The following PCDHA12 variants were observed in gnomAD, a reference collection of about 807,000 sequenced individuals.
The protein encoded by PCDHA12 is protocadherin alpha-12.
In PCDHA12, 44 loss-of-function variants were observed where a neutral mutation model predicts 60.0. The observed-to-expected ratio is 0.73, with a 90% CI of 0.58 to 0.94. The LOEUF (loss-of-function observed/expected upper bound fraction) is 0.94. Among genes scored for constraint, PCDHA12 ranks in the 40% least tolerant of loss-of-function variants. The pLI, the probability that PCDHA12 is intolerant of heterozygous loss-of-function variation, is 0.00. For missense variants in PCDHA12, 1,276 were observed against 1,239.7 expected (o/e 1.03, Z -0.44); for synonymous variants, 569 against 553.0 (o/e 1.03, Z -0.40).
intron 1 of PCDHA12, among the ~76,000 whole-genome samples, chr5:140,915,915 T>C (rs782614078): frequency 1.3e-5 from 2 of 152,158 alleles, no homozygotes; most frequent in Non-Finnish European, 2.9e-5. Context: ...GGCCCAGAGA[T>C]GCTACTTGGG....
intron 1 of PCDHA12, among the ~76,000 whole-genome samples, chr5:140,899,097 T>A (rs1160754058): frequency 2.0e-5 from 3 of 151,826 alleles, no homozygotes; most frequent in Non-Finnish European, 4.4e-5. Flanking sequence ...TGGGCTGAGA[T>A]AATGGGGTTT....
chr5:140,883,995 C>A (rs1371206040), intron 1 of PCDHA12: 2 of 1,612,878 alleles, frequency 1.2e-6, no homozygotes, highest in Non-Finnish European at 8.5e-7. Flanking sequence ...GCGGGAGGCA[C>A]AGTGAGCGAG....
rs143182337 is a variant in PCDHA12 at position 140,938,958 on chromosome 5, G to A, written c.2368-39991G>A. On this transcript the variant is annotated intron_variant, in intron 1 of 3. Coordinates refer to ENST00000398631, the MANE Select transcript of PCDHA12 (RefSeq NM_018903.4). ...TTTCCATTCTTATAATGCTCTAGTC[G>A]GAGTTTGGCATCAAGGCTATCCTGG... 3.2e-3 allele frequency among the ~76,000 whole-genome samples: 486 copies of A among 152,204 alleles called. 2 individuals carry two copies. Among genetic ancestry groups the A allele is most frequent in the Middle Eastern group, 0.014 (4 of 294 alleles).
rs560247030 is a variant in PCDHA12, at chr5:140,910,414, C to T, written c.2367+32575C>T. On this transcript the variant is annotated intron_variant, in intron 1 of 3. Transcript: ENST00000398631. ...GACTGGCCCCTGCCACCTCGAGATC[C>T]AATTATTCCCATTGCATTTAAGTTT... Among the ~76,000 whole-genome samples the T allele has an allele frequency of 2.6e-5, 4 of 152,258 alleles. No individual in the cohort carries two copies. In the East Asian group the frequency reaches 5.8e-4, roughly 22 times the overall value.
intron 1 of PCDHA12, chr5:140,927,766 G>A: frequency 1.2e-6 from 2 of 1,614,234 alleles, no homozygotes; most frequent in Non-Finnish European, 1.7e-6. Context: ...TAAAAGTGGG[G>A]AGGTGCAAGT....
At position 140,920,535 on chromosome 5, in the gene PCDHA12, T is replaced by C. The variant is rs75447697; in HGVS notation, c.2367+42696T>C. ...TATGCAATTCGTTAGACTCAGGTTT[T>C]CTATTTCACCTTCGAAGTGTGGCCC... is the stretch of plus-strand genomic sequence containing the variant. On this transcript the variant is annotated intron_variant, in intron 1 of 3. Transcript: ENST00000398631. Among the ~76,000 whole-genome samples the C allele has an allele frequency of 1.3e-3, 198 of 152,336 alleles. 1 individual carries two copies. Among genetic ancestry groups the C allele is most frequent in the African/African-American group, 4.5e-3 (189 of 41,590 alleles).
intron 1 of PCDHA12, among the ~76,000 whole-genome samples, chr5:140,905,599 G>A (rs782355615): frequency 2.0e-5 from 3 of 152,096 alleles, no homozygotes; most frequent in Non-Finnish European, 2.9e-5. Context: ...GCTGGGAATT[G>A]CATTGAATCT....
intron 1 of PCDHA12, among the ~76,000 whole-genome samples, chr5:140,934,050 C>T (rs558726288): frequency 6.6e-6 from 1 of 151,952 alleles, no homozygotes; most frequent in East Asian, 1.9e-4. Flanking sequence ...TTAGTCTTTC[C>T]AAGGCTAACT....
chr5:140,883,481 T>C (rs1401240290), intron 1 of PCDHA12: 1 of 1,614,166 alleles, frequency 6.2e-7, no homozygotes, highest in East Asian at 2.2e-5. Flanking sequence ...CAAGAACTAC[T>C]ACTCATTAGT....
In PCDHA12 at chr5:141,010,289, C is replaced by G. The variant is rs2098416832; in HGVS notation, c.*352C>G. The G allele has an allele frequency of 4.5e-6, 7 of 1,550,274 alleles. No homozygotes were observed. The highest frequency in any genetic ancestry group is 3.9e-5 in the Admixed American group (2 of 50,654). ...GGGGATCCTGTCTTGATGACACTTG[C>G]AGGGCAGGCTGAAAAGTTTTGAGAT... On this transcript the variant is annotated 3_prime_UTR_variant, in exon 4 of 4. Transcript: ENST00000398631.
At chr5:141,000,030 C>T (rs1261016075) in intron 3 of PCDHA12, among the ~76,000 whole-genome samples, 3 of 152,058 alleles carry the variant, frequency 2.0e-5, no homozygotes, top group African/African-American at 7.2e-5. Flanking sequence ...GCCTGACATC[C>T]AATCACACAC....
At chr5:140,881,070 T>C (rs1461614506) in intron 1 of PCDHA12, among the ~76,000 whole-genome samples, 6 of 152,208 alleles carry the variant, frequency 3.9e-5, no homozygotes, top group Non-Finnish European at 8.8e-5. Flanking sequence ...CAGATAATTA[T>C]TGGAGCTATG....
chr5:140,973,936 G>A (rs2096608372), intron 1 of PCDHA12, among the ~76,000 whole-genome samples: 1 of 152,334 alleles, frequency 6.6e-6, no homozygotes, highest in Admixed American at 6.5e-5. Context: ...AGGTTTAGCT[G>A]AATATGATGG....
intron 1 of PCDHA12, chr5:140,969,554 TC>T: frequency 8.2e-7 from 1 of 1,222,072 alleles, no homozygotes; most frequent in Non-Finnish European, 1.1e-6. Context: ...TGAAGCCTTG[TC>T]CATAAAATTG....
At chr5:140,943,405 A>G (rs1030211474) in intron 1 of PCDHA12, among the ~76,000 whole-genome samples, 2 of 152,164 alleles carry the variant, frequency 1.3e-5, no homozygotes, top group Non-Finnish European at 2.9e-5. Flanking sequence ...ATTTAAATTC[A>G]GACTAGAGGC....
rs1256461262 is a variant in PCDHA12, at chr5:140,982,640, A to T, written c.2515+77A>T. On this transcript the variant is annotated intron_variant, in intron 3 of 3. Transcript: ENST00000398631. ...ATGACCTACTTTTGTAAGATCAGGA[A>T]TGTTGATGGCTCTTTTTCTTTTATA... 3 of 1,544,442 alleles carry T rather than the reference A, an allele frequency of 1.9e-6. No individual in the cohort carries two copies. The African/African-American group carries it at 4.2e-5, about 21-fold the overall frequency.
intron 1 of PCDHA12, among the ~76,000 whole-genome samples, chr5:140,941,270 T>C (rs1437273239): frequency 1.2e-4 from 17 of 136,774 alleles, no homozygotes; most frequent in Admixed American, 2.3e-4. Flanking sequence ...TCTTTCTTTC[T>C]TTCCTTCCTT....
rs781883995 is a variant in PCDHA12, at chr5:140,876,273, C to A, written c.801C>A (p.Ser267=). Reference sequence around the variant, plus strand: ...CAAGAGTGATCCAACTAAATGCTTCCGATCCAGACGAAGGACTTAATGGAG... The same window carrying A: ...CAAGAGTGATCCAACTAAATGCTTCAGATCCAGACGAAGGACTTAATGGAG... ...NDTRVIQLNA[S]DPDEGLNGEI... is the part of the protein sequence containing the mutation. The change falls in exon 1 of 4, where the codon TCC becomes TCA. Residue 267 remains serine, a synonymous_variant. Coordinates refer to ENST00000398631, the MANE Select transcript of PCDHA12 (RefSeq NM_018903.4). 6.8e-6 allele frequency: 11 copies of A among 1,613,984 alleles called. No individual in the cohort carries two copies. The South Asian group carries it at 1.2e-4, about 18-fold the overall frequency.
intron 1 of PCDHA12, among the ~76,000 whole-genome samples, chr5:140,914,270 ATATATT>A (rs1554196274): frequency 6.6e-6 from 1 of 152,146 alleles, no homozygotes; most frequent in Non-Finnish European, 1.5e-5. Context: ...GTGGGTGCAT[ATATATT>A]TATAATTGTT....
Sources: allele counts gnomAD v4.1 joint callset (sites outside exome capture counted in the v4.1 genomes callset), GRCh38; gene constraint gnomAD v4.1.1; transcripts MANE v1.5; gene names NCBI Gene and HGNC (gene_info 2026-07-23, HGNC 2026-07-21).